Variants in ZXDC observed in about 807,000 individuals in gnomAD.
ZXDC encodes zinc finger protein ZXDC.
Under a neutral mutation model 63.6 loss-of-function variants are expected in ZXDC, and 58 were observed. The ratio of observed to expected loss-of-function variants is 0.91; its 90% confidence interval spans 0.74 to 1.13. ZXDC has a LOEUF of 1.13. ZXDC is among the 50% of genes most tolerant of loss of function. ZXDC has a pLI of 0.00. For synonymous variants in ZXDC, 561 were observed against 496.1 expected (o/e 1.13, Z -1.74); for missense variants, 1,133 against 1,148.9 (o/e 0.99, Z 0.20).
chr3:126,453,358 A>G, intron 7 of ZXDC: 3 of 985,444 alleles, frequency 3.0e-6, no homozygotes, highest in Non-Finnish European at 3.6e-6. Flanking sequence ...TTTGGCCCAT[A>G]CCAAAAGTTT....
intron 8 of ZXDC, chr3:126,440,197 G>A (rs1933623358): frequency 2.0e-6 from 2 of 998,686 alleles, no homozygotes; most frequent in East Asian, 1.1e-4. Flanking sequence ...CCTGAGAGGG[G>A]AGGCTGCCAG....
intron 3 of ZXDC, among the ~76,000 whole-genome samples, chr3:126,471,237 A>G (rs1274364775): frequency 6.6e-6 from 1 of 152,246 alleles, no homozygotes; most frequent in Non-Finnish European, 1.5e-5. Flanking sequence ...AGCTGACCCC[A>G]GAGTCACACA....
chr3:126,439,880 G>T, intron 8 of ZXDC, 153 bp from the exon 9 acceptor site: 1 of 1,435,738 alleles, frequency 7.0e-7, no homozygotes, highest in Admixed American at 2.9e-5. Flanking sequence ...AGCAGGAATT[G>T]TTTATGGGGG....
rs145552269 is a variant in ZXDC at position 126,439,441 on chromosome 3, C to T, written c.2490+191G>A. On this transcript the variant is annotated intron_variant, in intron 9 of 9. Transcript: ENST00000389709. Reference sequence around the variant, plus strand: ...CTTTGTCTACCAGCAGGAGCTGCAGCGTCCTGCAGATCTGAGCTCCACTCA... The same window carrying T: ...CTTTGTCTACCAGCAGGAGCTGCAGTGTCCTGCAGATCTGAGCTCCACTCA... Among the ~76,000 whole-genome samples the T allele has an allele frequency of 6.1e-3, 925 of 152,316 alleles. 9 individuals carry two copies. Among genetic ancestry groups the T allele is most frequent in the African/African-American group, 0.021 (863 of 41,560 alleles).
chr3:126,439,644 G>C lies in ZXDC; in HGVS notation c.2478C>G (p.Val826=), dbSNP rs1056460917. Residue 826 remains valine, a synonymous_variant, in exon 9 of 10, where the codon GTC becomes GTG. Transcript: ENST00000389709. ...FLPFLTVDLP[V]YVLQEVLPSS... ...AAGGCATCCAGACCTGGAGGACGTA[G>C]ACGGGCAGGTCCACAGTGAGGAAGG... 28 of 1,553,636 alleles carry C rather than the reference G, an allele frequency of 1.8e-5. No homozygotes were observed. The East Asian group carries it at 6.3e-4, about 35-fold the overall frequency.
intron 1 of ZXDC, among the ~76,000 whole-genome samples, 164 bp downstream of exon 1, chr3:126,474,795 C>T (rs758631592): frequency 6.6e-6 from 1 of 152,220 alleles, no homozygotes; most frequent in Non-Finnish European, 1.5e-5. Flanking sequence ...AGGGCAGGGC[C>T]AAGATCTCAA....
chr3:126,466,254 C>A lies in ZXDC; in HGVS notation c.1342G>T (p.Ala448Ser). Residue 448 changes from alanine to serine, a missense_variant, in exon 5 of 10, where the codon GCT (alanine) becomes TCT (serine). Transcript: ENST00000389709. ...GAAACTGGGCAACGGCTTTTCGGAG[C>A]ACCCACATCCTGCACGTGTTTCTTA... The part of the protein sequence containing the change: ...HSKKHVQDVG[A>S]PKSRCPVSTC... The A allele has an allele frequency of 2.5e-6, 4 of 1,614,204 alleles. No homozygotes were observed. Among genetic ancestry groups the A allele is most frequent in the Non-Finnish European group, 3.4e-6 (4 of 1,180,038 alleles).
chr3:126,450,323 A>C (rs1450806632), intron 7 of ZXDC: 1 of 456,554 alleles, frequency 2.2e-6, no homozygotes, highest in Non-Finnish European at 4.4e-6. Flanking sequence ...AAGAAAACAC[A>C]AGAGCAGACA....
intron 7 of ZXDC, chr3:126,452,143 T>C: frequency 1.0e-6 from 1 of 985,418 alleles, no homozygotes; most frequent in South Asian, 4.7e-5. Context: ...CGCTGGATCC[T>C]GGGCTCCTGG....
At position 126,450,518 on chromosome 3, in the gene ZXDC, T is replaced by C. The variant is rs1310231973; in HGVS notation, c.2213-8572A>G. ...ACCCACCTGGGCACCTCATGACACA[T>C]GTGGCACAGGAGCCACATGCATGTG... On this transcript the variant is annotated intron_variant, in intron 7 of 9. Transcript: ENST00000389709. 3 of 456,638 alleles carry C rather than the reference T, an allele frequency of 6.6e-6. 1 individual carries two copies. The highest frequency in any genetic ancestry group is 3.1e-5 in the South Asian group (2 of 64,570). The allele number at this position is 456,638 out of a possible 1,614,324, so 28.3% of individuals were successfully genotyped here. A position where few individuals can be genotyped will look rare whatever the true frequency, so the allele number is the denominator to read the frequency against.
intron 6 of ZXDC, chr3:126,460,341 G>A (rs1270023737): frequency 7.2e-6 from 4 of 554,280 alleles, no homozygotes; most frequent in East Asian, 1.5e-4. Context: ...TCGCTATGAA[G>A]AGAAAAAGAG....
intron 9 of ZXDC, 25 bp from the exon 10 acceptor site, chr3:126,438,486 A>C (rs1447340405): frequency 1.2e-6 from 2 of 1,606,892 alleles, no homozygotes; most frequent in African/African-American, 2.7e-5. Context: ...ATTGTCATGA[A>C]GAGGGAGGAG....
intron 7 of ZXDC, chr3:126,457,706 ATAAG>A: frequency 1.0e-6 from 1 of 953,478 alleles, no homozygotes; most frequent in Non-Finnish European, 1.2e-6. Flanking sequence ...TGTCCCAGCT[ATAAG>A]TAAGAAAGGA....
chr3:126,470,771 G>A (rs1934950472), intron 4 of ZXDC, 124 bp downstream of exon 4: 1 of 1,365,974 alleles, frequency 7.3e-7, no homozygotes. Flanking sequence ...TAAACATAAT[G>A]CTGCAACTTA....
intron 7 of ZXDC, among the ~76,000 whole-genome samples, chr3:126,448,350 G>A (rs1933961804): frequency 6.6e-6 from 1 of 152,200 alleles, no homozygotes; most frequent in Non-Finnish European, 1.5e-5. Flanking sequence ...ACAGCTGCTG[G>A]CTGGTGCGCT....
chr3:126,465,662 T>TG lies in ZXDC; in HGVS notation c.1441+492dup, dbSNP rs149732082. Among the ~76,000 whole-genome samples the TG allele has an allele frequency of 6.7e-3, 1,025 of 152,222 alleles. 10 individuals carry two copies. Among genetic ancestry groups the TG allele is most frequent in the African/African-American group, 0.023 (975 of 41,526 alleles). On this transcript the variant is annotated intron_variant, in intron 5 of 9. Transcript: ENST00000389709. ...CTTCCAGGAAAGCATTTCAAAGACA[T>TG]GGGAGGGGCAGGGCATGGTGGCTCA...
rs747447558 is a variant in ZXDC at position 126,438,439 on chromosome 3, C to A, written c.2513G>T (p.Gly838Val). 6.2e-7 allele frequency: 1 copy of A among 1,613,834 alleles called. No homozygotes were observed. Among genetic ancestry groups the A allele is most frequent in the Non-Finnish European group, 8.5e-7 (1 of 1,179,882 alleles). Residue 838 changes from glycine to valine, a missense_variant, in exon 10 of 10, where the codon GGC (glycine) becomes GTC (valine). Coordinates refer to ENST00000389709, the MANE Select transcript of ZXDC (RefSeq NM_025112.5). ...CTGGGTGGCCTCCGGTCCAGCAGGG[C>A]CTCCAGATGAGGGGAGCACCTCCTG... ...VLQEVLPSSGGPAGPEATQFP... is the reference protein window; with the variant it reads ...VLQEVLPSSGVPAGPEATQFP...
At chr3:126,440,280 T>C (rs952687423) in intron 8 of ZXDC, 1 of 989,222 alleles carries the variant, frequency 1.0e-6, no homozygotes, top group South Asian at 4.6e-5. Context: ...TGTCCGCCCA[T>C]GGCCATTCAC....
At chr3:126,462,861 G>A (rs934975163) in intron 5 of ZXDC, among the ~76,000 whole-genome samples, 1 of 152,170 alleles carries the variant, frequency 6.6e-6, no homozygotes, top group Admixed American at 6.5e-5. Context: ...CTAGGCAGAT[G>A]CACAAGACTT....
Sources: allele counts gnomAD v4.1 joint callset (sites outside exome capture counted in the v4.1 genomes callset), GRCh38; gene constraint gnomAD v4.1.1; transcripts MANE v1.5; gene names NCBI Gene and HGNC (gene_info 2026-07-23, HGNC 2026-07-21).